The following TMOD1 variants were observed in gnomAD, a reference collection of about 807,000 sequenced individuals.
TMOD1 encodes tropomodulin-1.
TMOD1 carries 17 observed loss-of-function variants against 40.6 expected under a neutral mutation model. The ratio of observed to expected loss-of-function variants is 0.42; its 90% CI spans 0.29 to 0.63. TMOD1 has a LOEUF of 0.63. Ranked by LOEUF, TMOD1 falls within the 20% of genes least tolerant of loss-of-function variation. The pLI, the probability that TMOD1 is intolerant of heterozygous loss-of-function variation, is 0.22. For synonymous variants in TMOD1, 181 were observed against 175.0 expected (o/e 1.03, Z -0.27); for missense variants, 391 against 447.6 (o/e 0.87, Z 1.14).
chr9:97,558,557 C>A (rs1414165985), intron 4 of TMOD1, among the ~76,000 whole-genome samples: 2 of 152,184 alleles, frequency 1.3e-5, no homozygotes, highest in African/African-American at 4.8e-5. Flanking sequence ...AATTCTCCTG[C>A]CTCAGCCTCC....
chr9:97,541,830 GTTAT>G (rs959552643), intron 2 of TMOD1, among the ~76,000 whole-genome samples: 12 of 151,982 alleles, frequency 7.9e-5, no homozygotes, highest in African/African-American at 2.9e-4. Context: ...TTTAAATTGG[GTTAT>G]TTGTCATATA....
chr9:97,503,712 A>G (rs1010062246), intron 1 of TMOD1, among the ~76,000 whole-genome samples: 1 of 152,196 alleles, frequency 6.6e-6, no homozygotes, highest in Non-Finnish European at 1.5e-5. Flanking sequence ...GCAGCTCAGC[A>G]AAAACAGAAA....
chr9:97,569,053 G>A lies in TMOD1; in HGVS notation c.870+16G>A. The A allele has an allele frequency of 1.2e-6, 2 of 1,612,890 alleles. No individual in the cohort carries two copies. Among genetic ancestry groups the A allele is most frequent in the African/African-American group, 1.3e-5 (1 of 75,014 alleles). ...TGACAACCAGGTGAGATGGGCAACG[G>A]TCTCCTCAGGTCTGTTACTACATGC... is the stretch of plus-strand genomic sequence containing the variant. On this transcript the variant is annotated intron_variant, in intron 8 of 9. Transcript: ENST00000259365.
chr9:97,551,450 T>C (rs1286147877), intron 3 of TMOD1, among the ~76,000 whole-genome samples: 1 of 152,226 alleles, frequency 6.6e-6, no homozygotes, highest in African/African-American at 2.4e-5. Flanking sequence ...ATACCATTTG[T>C]TGAAGCGATT....
intron 2 of TMOD1, among the ~76,000 whole-genome samples, chr9:97,540,973 CTAG>C (rs1830267922): frequency 6.6e-6 from 1 of 152,090 alleles, no homozygotes; most frequent in East Asian, 1.9e-4. Flanking sequence ...TATGAGAGTT[CTAG>C]TTGCTCTATA....
At chr9:97,596,563 AC>A (rs1485834254) in intron 9 of TMOD1, among the ~76,000 whole-genome samples, 3 of 152,190 alleles carry the variant, frequency 2.0e-5, no homozygotes, top group African/African-American at 4.8e-5. Flanking sequence ...TAGGTAATTA[AC>A]ATTACCCACA....
chr9:97,528,606 A>G (rs949301619), intron 2 of TMOD1, among the ~76,000 whole-genome samples: 1 of 152,216 alleles, frequency 6.6e-6, no homozygotes, highest in African/African-American at 2.4e-5. Context: ...GGAGAGCACA[A>G]ACATTCCAGT....
At chr9:97,568,732 C>T (rs559050147) in intron 7 of TMOD1, among the ~76,000 whole-genome samples, 162 bp from the exon 8 acceptor site, 68 of 152,202 alleles carry the variant, frequency 4.5e-4, no homozygotes, top group African/African-American at 1.4e-3. Flanking sequence ...GGAGCCATGG[C>T]GGGTTGCAGG....
chr9:97,519,176 A>G (rs1829877332), intron 1 of TMOD1, among the ~76,000 whole-genome samples: 1 of 152,154 alleles, frequency 6.6e-6, no homozygotes, highest in Non-Finnish European at 1.5e-5. Context: ...AAAGATTTAA[A>G]AGAGCCTTGT....
At chr9:97,554,711 G>C (rs552325137) in intron 4 of TMOD1, among the ~76,000 whole-genome samples, 4 of 152,100 alleles carry the variant, frequency 2.6e-5, no homozygotes, top group Non-Finnish European at 4.4e-5. Context: ...AGACTCAGAG[G>C]CATGTAAGCC....
chr9:97,580,021 G>A (rs1156560052), intron 8 of TMOD1, among the ~76,000 whole-genome samples: 3 of 152,154 alleles, frequency 2.0e-5, no homozygotes, highest in African/African-American at 7.2e-5. Context: ...TAAACAGGCC[G>A]AGTAAGGAAG....
rs773189868 is a variant in TMOD1, at chr9:97,562,768, A to G, written c.434A>G (p.Gln145Arg). ...ATGCACACGCTCATGAGTAACCAGC[A>G]GTACTACCAGGCCCTGAGCAGCAGC... The part of the protein sequence containing the change: ...LGMHTLMSNQ[Q>R]YYQALSSSSI... The change falls in exon 5 of 10, where the codon CAG (glutamine) becomes CGG (arginine). Residue 145 changes from glutamine to arginine, a missense_variant. By Grantham distance (43) the Gln-to-Arg change is conservative. Coordinates refer to ENST00000259365, the MANE Select transcript of TMOD1 (RefSeq NM_003275.4). 2 of 1,578,936 alleles carry G rather than the reference A, an allele frequency of 1.3e-6. No homozygotes were observed. Among genetic ancestry groups the G allele is most frequent in the South Asian group, 1.2e-5 (1 of 85,138 alleles).
chr9:97,596,341 C>G (rs967037753), intron 9 of TMOD1, among the ~76,000 whole-genome samples: 1 of 152,184 alleles, frequency 6.6e-6, no homozygotes, highest in Non-Finnish European at 1.5e-5. Flanking sequence ...ACTTAGAACC[C>G]TCACTTGCCT....
intron 2 of TMOD1, among the ~76,000 whole-genome samples, chr9:97,534,724 G>A (rs1217384969): frequency 6.6e-6 from 1 of 152,210 alleles, no homozygotes. Context: ...CCCTTGAAGG[G>A]CACCCAGTAT....
chr9:97,533,967 A>C (rs925321788), intron 2 of TMOD1, among the ~76,000 whole-genome samples: 30 of 152,170 alleles, frequency 2.0e-4, no homozygotes, highest in Admixed American at 1.5e-3. Context: ...TGCCATTCCT[A>C]AGGTGTAGCC....
chr9:97,527,890 A>G (rs1357143755), intron 2 of TMOD1, among the ~76,000 whole-genome samples: 2 of 152,082 alleles, frequency 1.3e-5, no homozygotes, highest in African/African-American at 4.8e-5. Flanking sequence ...TTGCCCTGAG[A>G]TGCTGCATGG....
chr9:97,525,810 C>A (rs1193904058), intron 2 of TMOD1, among the ~76,000 whole-genome samples: 1 of 152,220 alleles, frequency 6.6e-6, no homozygotes, highest in African/African-American at 2.4e-5. Flanking sequence ...CCCAAAGTGG[C>A]CTGGTGGCAG....
intron 8 of TMOD1, among the ~76,000 whole-genome samples, chr9:97,590,038 C>CT (rs1312554559): frequency 6.6e-6 from 1 of 151,668 alleles, no homozygotes; most frequent in Non-Finnish European, 1.5e-5. Context: ...TACAAATCGT[C>CT]TATTTTGTGA....
chr9:97,508,749 C>G (rs896053333), intron 1 of TMOD1, among the ~76,000 whole-genome samples: 1 of 152,120 alleles, frequency 6.6e-6, no homozygotes, highest in Non-Finnish European at 1.5e-5. Flanking sequence ...GGGTCCCCCC[C>G]AAAAGTCATG....
Sources: gnomAD v4.1 joint callset for allele counts (sites outside exome capture counted in the v4.1 genomes callset) on GRCh38, gnomAD v4.1.1 for gene constraint, MANE v1.5 for transcripts, NCBI Gene and HGNC (gene_info 2026-07-23, HGNC 2026-07-21) for gene names.